Variants in TSNARE1 observed in about 807,000 individuals in gnomAD.
The protein encoded by TSNARE1 is t-SNARE domain-containing protein 1.
In TSNARE1, 49 loss-of-function variants were observed where a neutral mutation model predicts 62.0. That is an observed-to-expected ratio of 0.79 (90% CI 0.63 to 1.00). The LOEUF is 1.00. Among genes scored for constraint, TSNARE1 ranks in the 50% least tolerant of loss-of-function variants. TSNARE1 has a pLI of 0.00. For synonymous variants in TSNARE1, 328 were observed against 294.4 expected, an observed-to-expected ratio of 1.11 and a Z score of -1.17; for missense variants, 755 against 700.1, an observed-to-expected ratio of 1.08 and a Z score of -0.88.
chr8:142,220,173 G>A (rs1266925317), intron 13 of TSNARE1, among the ~76,000 whole-genome samples: 1 of 152,238 alleles, frequency 6.6e-6, no homozygotes, highest in Non-Finnish European at 1.5e-5. Context: ...ACTGAGTGAG[G>A]CTAGACACCG....
At chr8:142,261,857 C>T (rs1818908625) in intron 12 of TSNARE1, among the ~76,000 whole-genome samples, 1 of 152,214 alleles carries the variant, frequency 6.6e-6, no homozygotes, top group Admixed American at 6.5e-5. Context: ...GCACAGGTCA[C>T]AGTGCCAGAT....
chr8:142,259,536 A>T (rs1007269222), intron 12 of TSNARE1, among the ~76,000 whole-genome samples: 19 of 152,210 alleles, frequency 1.2e-4, no homozygotes, highest in Non-Finnish European at 2.8e-4. Flanking sequence ...TGATCACGAA[A>T]ATGAGATTCT....
chr8:142,321,044 A>G (rs1355306999), intron 6 of TSNARE1, among the ~76,000 whole-genome samples: 1 of 152,124 alleles, frequency 6.6e-6, no homozygotes, highest in Admixed American at 6.5e-5. Flanking sequence ...TCCTTACCCA[A>G]CCTGGCAATA....
At chr8:142,232,700 C>A (rs759986709) in intron 12 of TSNARE1, among the ~76,000 whole-genome samples, 1 of 152,232 alleles carries the variant, frequency 6.6e-6, no homozygotes, top group African/African-American at 2.4e-5. Context: ...ACCAAGCCAC[C>A]GCTCCGTATC....
intron 1 of TSNARE1, among the ~76,000 whole-genome samples, chr8:142,369,016 T>C (rs955995252): frequency 3.9e-5 from 6 of 152,166 alleles, no homozygotes; most frequent in African/African-American, 1.4e-4. Flanking sequence ...GAAGGGTCAC[T>C]GTGAAACCCC....
intron 1 of TSNARE1, among the ~76,000 whole-genome samples, chr8:142,382,294 G>A (rs1046940871): frequency 6.6e-6 from 1 of 152,158 alleles, no homozygotes; most frequent in Non-Finnish European, 1.5e-5. Context: ...CGTAGACCAC[G>A]CCCAGAATCA....
intron 1 of TSNARE1, among the ~76,000 whole-genome samples, chr8:142,391,062 C>T (rs1325924234): frequency 1.4e-5 from 2 of 147,456 alleles, no homozygotes; most frequent in African/African-American, 5.1e-5. Flanking sequence ...AGACGCTGTA[C>T]ACTGCGGGGG....
At chr8:142,298,521 C>T (rs910242738) in intron 10 of TSNARE1, among the ~76,000 whole-genome samples, 3 of 152,150 alleles carry the variant, frequency 2.0e-5, no homozygotes, top group Admixed American at 2.0e-4. Context: ...GAGACCCGTG[C>T]CACAGATGCT....
chr8:142,296,432 G>A (rs1186565427), intron 10 of TSNARE1, among the ~76,000 whole-genome samples: 20 of 142,544 alleles, frequency 1.4e-4, no homozygotes, highest in African/African-American at 4.7e-4. Flanking sequence ...CTGTCATGGG[G>A]GAGGGGCGGT....
intron 1 of TSNARE1, among the ~76,000 whole-genome samples, chr8:142,363,509 C>T (rs1049095468): frequency 2.6e-5 from 4 of 152,164 alleles, no homozygotes; most frequent in Admixed American, 6.5e-5. Context: ...GGGCTTCTCA[C>T]CAGCCCCCAC....
chr8:142,227,018 AGC>A (rs1816826080), intron 13 of TSNARE1, among the ~76,000 whole-genome samples: 5 of 77,594 alleles, frequency 6.4e-5, no homozygotes, highest in African/African-American at 2.6e-4. Flanking sequence ...GTGACAGCCA[AGC>A]CCCCCACTGC....
rs33970858 is a variant in TSNARE1 at position 142,345,817 on chromosome 8, C to G, written c.164G>C (p.Arg55Pro). 370,191 of 1,613,426 alleles carry G rather than the reference C, an allele frequency of 0.23. 48,749 individuals carry two copies. The highest frequency in any genetic ancestry group is 0.59 in the African/African-American group (43,973 of 74,952). ...ACCTTCCCCGTCCTTCCCCACACAG[C>G]GGTTCTGCAGCTTGCTCTCTGGCGA... ...CPSPESKLQN[R>P]CVGKDGEGDL... Residue 55 changes from arginine (R) to proline (P), a missense_variant, in exon 3 of 14, where the codon CGC becomes CCC. Coordinates refer to ENST00000524325, the MANE Select transcript of TSNARE1 (RefSeq NM_145003.5).
At position 142,319,139 on chromosome 8, in the gene TSNARE1, C is replaced by G. The variant is rs1303997256; in HGVS notation, c.894-505G>C. ...GCCGGGCCCCACCAATCGGCCACTG[C>G]GAGGACCACCTTGCTCCGCCGCAAC... On this transcript the variant is annotated intron_variant, in intron 6 of 13. Coordinates refer to ENST00000524325, the MANE Select transcript of TSNARE1 (RefSeq NM_145003.5). This position sits in a 1 kb window ranked among gnomAD's most constrained non-coding sequence, Gnocchi z 4.9. Among the ~76,000 whole-genome samples the G allele has an allele frequency of 1.3e-5, 2 of 150,362 alleles. No individual in the cohort carries two copies. Among genetic ancestry groups the G allele is most frequent in the African/African-American group, 2.4e-5 (1 of 40,828 alleles).
intron 12 of TSNARE1, among the ~76,000 whole-genome samples, chr8:142,252,488 G>A (rs2130296683): frequency 6.6e-6 from 1 of 152,360 alleles, no homozygotes; most frequent in South Asian, 2.1e-4. Context: ...ACAGTGGTCA[G>A]GGGAAGAAGC....
intron 11 of TSNARE1, chr8:142,275,537 G>A: frequency 4.1e-6 from 4 of 985,440 alleles, no homozygotes; most frequent in Non-Finnish European, 4.8e-6. Context: ...GCTCAGCATT[G>A]TCTTCCACCC....
intron 4 of TSNARE1, among the ~76,000 whole-genome samples, chr8:142,341,427 C>T (rs1311360280): frequency 1.3e-5 from 2 of 152,208 alleles, no homozygotes; most frequent in African/African-American, 4.8e-5. Context: ...GTGGAGAGGC[C>T]CCTTGGGGCT....
intron 12 of TSNARE1, among the ~76,000 whole-genome samples, chr8:142,260,133 G>T (rs572648708): frequency 2.6e-5 from 4 of 151,974 alleles, no homozygotes; most frequent in African/African-American, 9.7e-5. Context: ...TCCTTCCTCC[G>T]GTCTCCACAG....
At chr8:142,273,893 T>C in intron 12 of TSNARE1, 2 of 984,894 alleles carry the variant, frequency 2.0e-6, no homozygotes, top group Non-Finnish European at 2.4e-6. Flanking sequence ...GGCTCCTCTC[T>C]CGTCACACCT....
chr8:142,269,813 G>A, intron 12 of TSNARE1: 1 of 985,426 alleles, frequency 1.0e-6, no homozygotes. Flanking sequence ...AGAAGGGGTA[G>A]CCTGGAGGGA....
Sources: allele counts gnomAD v4.1 joint callset (sites outside exome capture counted in the v4.1 genomes callset), GRCh38; gene constraint gnomAD v4.1.1; non-coding constraint Gnocchi (gnomAD v3.1); transcripts MANE v1.5; gene names NCBI Gene and HGNC (gene_info 2026-07-23, HGNC 2026-07-21).